Variants in EVC observed in about 807,000 individuals in gnomAD.
EVC encodes EvC ciliary complex subunit 1.
Under a neutral mutation model 118.9 loss-of-function variants are expected in EVC, and 116 were observed. That is an observed-to-expected ratio of 0.98 (90% CI 0.84 to 1.14). The LOEUF (loss-of-function observed/expected upper bound fraction) is 1.14, where lower values mean the gene tolerates loss of function less well. EVC is among the 50% of genes most tolerant of loss of function. The probability of loss-of-function intolerance (pLI) is 0.00; values close to 1 mark genes in which losing one functional copy is unlikely to be tolerated. For synonymous variants in EVC, 619 were observed against 534.7 expected, an observed-to-expected ratio of 1.16 and a Z score of -2.18; for missense variants, 1,401 against 1,246.4, an observed-to-expected ratio of 1.12 and a Z score of -1.87.
chr4:5,752,384 G>T (rs565858002), intron 8 of EVC, among the ~76,000 whole-genome samples: 14 of 152,060 alleles, frequency 9.2e-5, no homozygotes, highest in African/African-American at 3.4e-4. Flanking sequence ...TGAAAATCTC[G>T]GCCGTCCTCA....
At chr4:5,748,120 CT>C (rs777849604) in intron 7 of EVC, 27 bp from the exon 8 acceptor site, 1 of 1,614,074 alleles carries the variant, frequency 6.2e-7, no homozygotes, top group East Asian at 2.2e-5. Flanking sequence ...TTTCACCTCA[CT>C]TCTTGCTGCT....
intron 11 of EVC, among the ~76,000 whole-genome samples, chr4:5,781,600 G>A (rs1351230385): frequency 1.3e-5 from 2 of 152,172 alleles, no homozygotes; most frequent in African/African-American, 4.8e-5. Flanking sequence ...ACTTTGGGAG[G>A]TCAAGGCAGG....
At chr4:5,822,224 G>C in the EVC span, among the ~76,000 whole-genome samples, 1 of 152,226 alleles carries the variant, frequency 6.6e-6, no homozygotes, top group African/African-American at 2.4e-5. Context: ...TATGAAGGGG[G>C]TGTTTGTACT....
At chr4:5,758,159 AAGCCGAGGAACACCTGCAGCCACC>A in intron 11 of EVC, 1 of 701,544 alleles carries the variant, frequency 1.4e-6, no homozygotes, top group South Asian at 1.5e-5. Flanking sequence ...ATGCAGCCAC[AAGCCGAGGAACACCTGCAGCCACC>A]AAAAGCCAGA....
intron 5 of EVC, among the ~76,000 whole-genome samples, chr4:5,735,133 C>T (rs1274995053): frequency 1.3e-5 from 2 of 152,242 alleles, no homozygotes; most frequent in Non-Finnish European, 2.9e-5. Context: ...CAGCCTCTGC[C>T]TTTGTGGAGC....
chr4:5,759,947 T>A (rs563173786), intron 11 of EVC, among the ~76,000 whole-genome samples: 1 of 152,184 alleles, frequency 6.6e-6, no homozygotes, highest in South Asian at 2.1e-4. Context: ...ATTGGTTCGG[T>A]CAGGAAAGGT....
At chr4:5,772,089 G>A (rs1216141299) in intron 11 of EVC, among the ~76,000 whole-genome samples, 1 of 151,992 alleles carries the variant, frequency 6.6e-6, no homozygotes, top group Non-Finnish European at 1.5e-5. Flanking sequence ...GTAGAGACAA[G>A]GTTTCACCGT....
chr4:5,784,606 A>ATTTTTT (rs35237111), intron 12 of EVC, among the ~76,000 whole-genome samples: 2 of 111,218 alleles, frequency 1.8e-5, no homozygotes, highest in Non-Finnish European at 3.5e-5. Flanking sequence ...ATACACATTG[A>ATTTTTT]TTTTTTTTTT....
chr4:5,824,583 G>A, the EVC span: 1,130 of 962,998 alleles, frequency 1.2e-3, 9 homozygotes, highest in African/African-American at 0.018. Flanking sequence ...GACCAAATCC[G>A]GCCCACCGCC....
rs1445832323 is a variant in EVC, at chr4:5,749,083, C to T, written c.1098+777C>T. 6.6e-6 allele frequency among the ~76,000 whole-genome samples: 1 copy of T among 151,974 alleles called. No homozygotes were observed. The highest frequency in any genetic ancestry group is 6.6e-5 in the Admixed American group (1 of 15,264). The stretch of plus-strand genomic sequence containing the variant: ...GAGCATTGATTGACTTTCCTGATTG[C>T]CCTGTTTTGCCTGCAGAGTTCTTTA... On this transcript the variant is annotated intron_variant, in intron 8 of 20. Transcript: ENST00000264956. The surrounding 1 kb of genome is among the most constrained non-coding windows in gnomAD (Gnocchi z 4.4).
the EVC span, among the ~76,000 whole-genome samples, chr4:5,827,360 C>A: frequency 6.6e-6 from 1 of 152,176 alleles, no homozygotes; most frequent in Non-Finnish European, 1.5e-5. Flanking sequence ...GTTTCCACCC[C>A]ATCCCTTGTT....
intron 12 of EVC, 147 bp downstream of exon 12, chr4:5,783,911 A>C: frequency 1.3e-6 from 1 of 748,756 alleles, no homozygotes; most frequent in South Asian, 1.7e-5. Context: ...ACAATGGCCC[A>C]CCACAGGGGT....
intron 11 of EVC, among the ~76,000 whole-genome samples, chr4:5,773,654 C>T (rs924591484): frequency 6.6e-6 from 1 of 152,048 alleles, no homozygotes; most frequent in Non-Finnish European, 1.5e-5. Flanking sequence ...CCCCCATAGT[C>T]CCTGCAGGTT....
intron 3 of EVC, among the ~76,000 whole-genome samples, chr4:5,730,668 C>G (rs1019724911): frequency 2.6e-5 from 4 of 151,858 alleles, no homozygotes; most frequent in Admixed American, 1.3e-4. Flanking sequence ...CCCCAGGGAC[C>G]TGTGGAGCCA....
Position 5,810,390 on chromosome 4 carries a change from A to G in EVC, c.2834A>G (p.Asp945Gly), listed in dbSNP as rs201797767. 2.5e-6 allele frequency: 4 copies of G among 1,613,876 alleles called. No individual in the cohort carries two copies. The East Asian group carries it at 6.7e-5, about 27-fold the overall frequency. ...RKKPLPQERGDLGVPNNEDLA... is the reference protein window; with the variant it reads ...RKKPLPQERGGLGVPNNEDLA... The stretch of plus-strand genomic sequence containing the variant: ...AAGCCCCTGCCCCAGGAAAGAGGGG[A>G]CCTGGGGGTGCCCAACAATGAGGAC... Residue 945 changes from aspartate to glycine, a missense_variant, in exon 20 of 21, where the codon GAC becomes GGC. Coordinates refer to ENST00000264956, the MANE Select transcript of EVC (RefSeq NM_153717.3).
intron 9 of EVC, among the ~76,000 whole-genome samples, 186 bp downstream of exon 9, chr4:5,753,238 C>T (rs1560341484): frequency 6.6e-6 from 1 of 152,354 alleles, no homozygotes; most frequent in East Asian, 1.9e-4. Context: ...CTTCTCTGTA[C>T]AGCAGAGTCC....
chr4:5,763,397 T>C (rs11725819), intron 11 of EVC, among the ~76,000 whole-genome samples: 38,618 of 141,222 alleles, frequency 0.27, 4,646 homozygotes, highest in East Asian at 0.45. Flanking sequence ...CTTTTCTGGT[T>C]CCATATGAAC....
At chr4:5,717,266 A>G (rs902079465) in intron 1 of EVC, among the ~76,000 whole-genome samples, 1 of 151,946 alleles carries the variant, frequency 6.6e-6, no homozygotes, top group Non-Finnish European at 1.5e-5. Flanking sequence ...AGAATGTTCT[A>G]TCCTGTCCTT....
downstream of EVC, among the ~76,000 whole-genome samples, chr4:5,815,307 C>T (rs1175032710): frequency 6.6e-6 from 1 of 152,080 alleles, no homozygotes; most frequent in Non-Finnish European, 1.5e-5. Context: ...TTTCCTCCAC[C>T]CTACGAAGGC....
Sources: gnomAD v4.1 joint callset for allele counts (sites outside exome capture counted in the v4.1 genomes callset) on GRCh38, gnomAD v4.1.1 for gene constraint, Gnocchi (gnomAD v3.1) non-coding constraint, MANE v1.5 for transcripts, NCBI Gene and HGNC (gene_info 2026-07-23, HGNC 2026-07-21) for gene names.